MYLK: variants seen among roughly 807,000 people sequenced by gnomAD.
MYLK encodes myosin light chain kinase, also known as myosin light chain kinase, smooth muscle.
Under a neutral mutation model 203.4 loss-of-function variants are expected in MYLK, and 106 were observed. That is an observed-to-expected ratio of 0.52 (90% confidence interval 0.45 to 0.61). The LOEUF (loss-of-function observed/expected upper bound fraction) is 0.61. Among genes scored for constraint, MYLK ranks in the 20% least tolerant of loss-of-function variants. The pLI, the probability that MYLK is intolerant of heterozygous loss-of-function variation, is 0.00. For missense variants in MYLK, 2,072 were observed against 2,442.3 expected (o/e 0.85, Z 3.20); for synonymous variants, 867 against 959.5 (o/e 0.90, Z 1.78).
chr3:123,662,647 A>C lies in MYLK; in HGVS notation c.3985+1458T>G, dbSNP rs554010056. Among the ~76,000 whole-genome samples, 5 of 152,364 alleles carry C rather than the reference A, an allele frequency of 3.3e-5. No individual in the cohort carries two copies. In the East Asian group the frequency reaches 7.7e-4, roughly 24 times the overall value. Reference sequence around the variant, plus strand: ...CTTCCATAAGAGAGATTCCAGTGGAAGACTTCTAACCACGGTAGCCACACA... The same window carrying C: ...CTTCCATAAGAGAGATTCCAGTGGACGACTTCTAACCACGGTAGCCACACA... On this transcript the variant is annotated intron_variant, in intron 23 of 33. Coordinates refer to ENST00000360304, the MANE Select transcript of MYLK (RefSeq NM_053025.4).
intron 4 of MYLK, among the ~76,000 whole-genome samples, chr3:123,760,968 G>C (rs770492138): frequency 6.6e-6 from 1 of 152,178 alleles, no homozygotes; most frequent in Non-Finnish European, 1.5e-5. Flanking sequence ...ACCATCCCCT[G>C]GATTTCTGCC....
intron 29 of MYLK, 26 bp downstream of exon 29, chr3:123,638,045 A>G (rs767285374): frequency 1.4e-5 from 22 of 1,612,944 alleles, no homozygotes; most frequent in Admixed American, 1.2e-4. Context: ...GTGGTCCACC[A>G]GTCCACCAAG....
intron 2 of MYLK, among the ~76,000 whole-genome samples, chr3:123,871,377 CAACA>C (rs1347944514): frequency 6.6e-6 from 1 of 151,972 alleles, no homozygotes; most frequent in Non-Finnish European, 1.5e-5. Context: ...AAACTCAAAC[CAACA>C]AACACCTGGT....
intron 3 of MYLK, among the ~76,000 whole-genome samples, chr3:123,824,857 GA>G (rs949897959): frequency 6.6e-6 from 1 of 152,068 alleles, no homozygotes; most frequent in African/African-American, 2.4e-5. Context: ...TAAAAACACG[GA>G]ATTCATAAGG....
intron 19 of MYLK, 121 bp from the exon 20 acceptor site, chr3:123,682,431 C>T (rs2060301653): frequency 1.3e-5 from 10 of 796,068 alleles, no homozygotes; most frequent in South Asian, 5.8e-5. Flanking sequence ...CCTTTGTGCC[C>T]GCTGGGCAGA....
Position 123,700,109 on chromosome 3 carries a change from T to C in MYLK, c.3359A>G (p.Gln1120Arg), listed in dbSNP as rs767948913. The C allele has an allele frequency of 6.2e-7, 1 of 1,613,976 alleles. No homozygotes were observed. The highest frequency in any genetic ancestry group is 2.2e-5 in the East Asian group (1 of 44,848). ...AEGKKLLLQC[Q>R]VSSDPPATII... ...GGTGGCTGGGGGGTCAGAAGACACC[T>C]GGCACTGGAGCAGCAGCTTCTTGCC... Residue 1120 changes from glutamine (Q) to arginine (R), a missense_variant, in exon 18 of 34, where the codon CAG becomes CGG. Physicochemically the swap from Gln to Arg is conservative, Grantham distance 43. Around this residue, in one of 3 missense-constraint regions of MYLK, gnomAD observed 865 missense variants for 1,016.0 expected, o/e 0.85. Coordinates refer to ENST00000360304, the MANE Select transcript of MYLK (RefSeq NM_053025.4).
At chr3:123,832,698 G>A (rs2066370905) in intron 2 of MYLK, among the ~76,000 whole-genome samples, 1 of 152,146 alleles carries the variant, frequency 6.6e-6, no homozygotes, top group Non-Finnish European at 1.5e-5. Flanking sequence ...TCTGTCTTCT[G>A]CCAAGTGAGG....
intron 5 of MYLK, among the ~76,000 whole-genome samples, chr3:123,744,137 C>T (rs183279643): frequency 2.6e-4 from 39 of 152,238 alleles, no homozygotes; most frequent in Admixed American, 3.3e-4. Context: ...CACACATACA[C>T]GTATGTGATA....
intron 4 of MYLK, among the ~76,000 whole-genome samples, chr3:123,791,596 C>T (rs911244440): frequency 2.0e-5 from 3 of 152,232 alleles, no homozygotes; most frequent in Admixed American, 6.5e-5. Context: ...CACCAGTGTG[C>T]TGCCAAGGCA....
chr3:123,707,176 G>A (rs1460924125), intron 16 of MYLK, among the ~76,000 whole-genome samples: 1 of 152,204 alleles, frequency 6.6e-6, no homozygotes, highest in Non-Finnish European at 1.5e-5. Flanking sequence ...CCAACAGCCA[G>A]TGAGGAGCCG....
intron 23 of MYLK, among the ~76,000 whole-genome samples, chr3:123,662,484 G>A (rs1201356509): frequency 2.0e-5 from 3 of 152,146 alleles, no homozygotes; most frequent in African/African-American, 4.8e-5. Context: ...GAGAACAGAG[G>A]TGAGGAACCA....
chr3:123,735,374 A>G, intron 9 of MYLK, 24 bp downstream of exon 9: 10 of 1,614,044 alleles, frequency 6.2e-6, no homozygotes, highest in Non-Finnish European at 8.5e-6. Flanking sequence ...GGGAAAACGT[A>G]AAAGTCACAA....
chr3:123,615,577 G>C (rs2057435722), intron 33 of MYLK, among the ~76,000 whole-genome samples: 1 of 150,948 alleles, frequency 6.6e-6, no homozygotes, highest in Non-Finnish European at 1.5e-5. Flanking sequence ...CAGGTAATCT[G>C]CCTGCCTTGG....
intron 13 of MYLK, among the ~76,000 whole-genome samples, chr3:123,721,584 G>A (rs1378955287): frequency 6.6e-6 from 1 of 152,046 alleles, no homozygotes; most frequent in Non-Finnish European, 1.5e-5. Context: ...TGAGTAGAAG[G>A]GGGGCAGAAA....
chr3:123,849,814 T>C (rs1190008173), intron 2 of MYLK, among the ~76,000 whole-genome samples: 1 of 152,188 alleles, frequency 6.6e-6, no homozygotes, highest in Non-Finnish European at 1.5e-5. Context: ...TACATATGTA[T>C]ACATGTGCCC....
At chr3:123,632,688 G>T (rs1203563054) in intron 29 of MYLK, among the ~76,000 whole-genome samples, 1 of 152,140 alleles carries the variant, frequency 6.6e-6, no homozygotes, top group Non-Finnish European at 1.5e-5. Flanking sequence ...GACAAAGAGG[G>T]TGTTTGAATT....
At chr3:123,779,340 C>T (rs967636560) in intron 4 of MYLK, among the ~76,000 whole-genome samples, 4 of 152,204 alleles carry the variant, frequency 2.6e-5, no homozygotes, top group African/African-American at 9.6e-5. Flanking sequence ...GTGCCTGGCT[C>T]CCCTCAGCCT....
At chr3:123,686,311 T>A (rs1050610013) in intron 19 of MYLK, among the ~76,000 whole-genome samples, 13 of 151,026 alleles carry the variant, frequency 8.6e-5, no homozygotes, top group African/African-American at 1.7e-4. Context: ...TGTGTCCTTA[T>A]ATAGACAATG....
intron 4 of MYLK, among the ~76,000 whole-genome samples, 187 bp from the exon 5 acceptor site, chr3:123,752,725 G>A (rs2108882642): frequency 6.6e-6 from 1 of 152,254 alleles, no homozygotes; most frequent in East Asian, 1.9e-4. Context: ...GGTCTCAAAG[G>A]TAGAAGGTGG....
Sources: allele counts gnomAD v4.1 joint callset (sites outside exome capture counted in the v4.1 genomes callset), GRCh38; gene constraint gnomAD v4.1.1; regional missense constraint gnomAD v4.1.1; transcripts MANE v1.5; gene names NCBI Gene and HGNC (gene_info 2026-07-23, HGNC 2026-07-21).